The following FRMD4A variants were observed in gnomAD, a reference collection of about 807,000 sequenced individuals.
The protein encoded by FRMD4A is FERM domain-containing protein 4A.
A neutral mutation model predicts 129.1 loss-of-function variants in FRMD4A; 29 were observed. The observed-to-expected ratio is 0.22, with a 90% CI of 0.17 to 0.31. The LOEUF (loss-of-function observed/expected upper bound fraction) is 0.31. Ranked by LOEUF, FRMD4A falls within the 10% of genes least tolerant of loss-of-function variation. The probability of loss-of-function intolerance (pLI) is 1.00; values close to 1 mark genes in which losing one functional copy is unlikely to be tolerated. For synonymous variants in FRMD4A, 634 were observed against 571.6 expected (o/e 1.11, Z -1.56); for missense variants, 1,272 against 1,375.8 (o/e 0.92, Z 1.19).
At chr10:14,111,719 G>T (rs1268042840) in intron 2 of FRMD4A, among the ~76,000 whole-genome samples, 1 of 151,928 alleles carries the variant, frequency 6.6e-6, no homozygotes, top group East Asian at 1.9e-4. Context: ...ATCCTGGCAG[G>T]GAGAAATCTT....
At chr10:14,049,724 G>C (rs1032522087) in intron 2 of FRMD4A, among the ~76,000 whole-genome samples, 2 of 152,006 alleles carry the variant, frequency 1.3e-5, no homozygotes, top group Admixed American at 6.6e-5. Flanking sequence ...GCATGGTGGC[G>C]CTCGCCTAGA....
chr10:13,863,320 G>A (rs576541457), intron 2 of FRMD4A, among the ~76,000 whole-genome samples: 10 of 152,216 alleles, frequency 6.6e-5, no homozygotes, highest in African/African-American at 2.4e-4. Flanking sequence ...GGTGGCTCAC[G>A]CCTGTAATCC....
rs1879604 is a variant in FRMD4A at position 14,285,495 on chromosome 10, G to A, written c.45+44563C>T. ...TAGCAAAACAGCTCCTGCCCATGGA[G>A]GCATGTGGAAAGCAAAATCCTAATA... is the stretch of plus-strand genomic sequence containing the variant. On this transcript the variant is annotated intron_variant, in intron 2 of 24. Coordinates refer to ENST00000357447, the MANE Select transcript of FRMD4A (RefSeq NM_018027.5). Among the ~76,000 whole-genome samples the A allele has an allele frequency of 4.9e-3, 742 of 152,330 alleles. 4 individuals are homozygous for A. Among genetic ancestry groups the A allele is most frequent in the Non-Finnish European group, 5.3e-3 (359 of 68,036 alleles).
intron 2 of FRMD4A, among the ~76,000 whole-genome samples, chr10:13,986,140 T>C (rs2131414316): frequency 6.6e-6 from 1 of 152,232 alleles, no homozygotes; most frequent in East Asian, 1.9e-4. Flanking sequence ...TCCCTTCCTG[T>C]GGTCCCAGGG....
chr10:14,096,901 A>T (rs2131765789), intron 2 of FRMD4A: 1 of 152,316 alleles, frequency 6.6e-6, no homozygotes, highest in East Asian at 1.9e-4. Context: ...TTGGGAGGCC[A>T]AGGCAGGCAG....
chr10:14,155,523 A>G (rs77729475), intron 2 of FRMD4A, among the ~76,000 whole-genome samples: 2,121 of 152,234 alleles, frequency 0.014, 65 homozygotes, highest in African/African-American at 0.049. Flanking sequence ...CTCAATAGCC[A>G]TAAAGGATGT....
intron 2 of FRMD4A, among the ~76,000 whole-genome samples, chr10:14,276,840 G>T (rs371373106): frequency 1.1e-4 from 17 of 152,022 alleles, no homozygotes; most frequent in African/African-American, 3.6e-4. Flanking sequence ...TCTAAACTTC[G>T]GGCTGGGATT....
chr10:13,663,510 C>T lies in FRMD4A; in HGVS notation c.1604-1G>A, dbSNP rs1589258385. On this transcript the variant is annotated splice_acceptor_variant, in intron 18 of 24. Coordinates refer to ENST00000357447, the MANE Select transcript of FRMD4A (RefSeq NM_018027.5). LOFTEE classifies it high-confidence loss of function. ...CTGTCTTCACTGGCAATGTTTCCAT[C>T]TGAGAAGACAAAAAGCAATAGCCTA... The T allele has an allele frequency of 6.6e-7, 1 of 1,512,718 alleles. No individual in the cohort carries two copies. The highest frequency in any genetic ancestry group is 1.1e-5 in the South Asian group (1 of 89,058). 93.7% of individuals were successfully genotyped at this position (1,512,718 alleles called of 1,614,324 possible).
intron 12 of FRMD4A, among the ~76,000 whole-genome samples, chr10:13,722,972 T>C (rs2089572154): frequency 6.6e-6 from 1 of 151,926 alleles, no homozygotes; most frequent in African/African-American, 2.4e-5. Flanking sequence ...TACATCCCTA[T>C]GCTGCTTAGC....
chr10:13,918,632 G>T (rs1589268549), intron 2 of FRMD4A, among the ~76,000 whole-genome samples: 1 of 152,044 alleles, frequency 6.6e-6, no homozygotes, highest in East Asian at 1.9e-4. Flanking sequence ...GGATTCAAGT[G>T]ATTCTCCTGC....
At chr10:14,235,268 G>A (rs7893478) in intron 2 of FRMD4A, among the ~76,000 whole-genome samples, 64,224 of 130,872 alleles carry the variant, frequency 0.49, 20,353 homozygotes, top group Non-Finnish European at 0.58. Context: ...TCCGGCCTCA[G>A]CCTCCCGAGC....
intron 2 of FRMD4A, among the ~76,000 whole-genome samples, chr10:14,125,349 G>T (rs192891792): frequency 7.9e-5 from 12 of 152,142 alleles, no homozygotes; most frequent in Non-Finnish European, 1.3e-4. Context: ...CATGGAAGGG[G>T]GTGCGTGTAT....
chr10:14,313,515 A>G (rs1227201504), intron 2 of FRMD4A, among the ~76,000 whole-genome samples: 1 of 152,242 alleles, frequency 6.6e-6, no homozygotes, highest in African/African-American at 2.4e-5. Flanking sequence ...TTGTGTACAC[A>G]ATCATAACTG....
intron 4 of FRMD4A, among the ~76,000 whole-genome samples, chr10:13,808,453 G>A (rs1225898182): frequency 6.6e-6 from 1 of 152,214 alleles, no homozygotes; most frequent in African/African-American, 2.4e-5. Flanking sequence ...TACTACCTAG[G>A]AATCACCAAG....
At chr10:13,800,420 T>A (rs986379169) in intron 4 of FRMD4A, among the ~76,000 whole-genome samples, 8 of 152,204 alleles carry the variant, frequency 5.3e-5, no homozygotes, top group Non-Finnish European at 1.0e-4. Flanking sequence ...CTGATGGGAA[T>A]AACCTTTTCA....
At chr10:13,903,703 C>A (rs1164741432) in intron 2 of FRMD4A, among the ~76,000 whole-genome samples, 1 of 141,880 alleles carries the variant, frequency 7.0e-6, no homozygotes, top group Non-Finnish European at 1.5e-5. Flanking sequence ...AAGACCCCAT[C>A]TCTAAAAAAA....
At chr10:13,826,106 G>A (rs2093696910) in intron 3 of FRMD4A, among the ~76,000 whole-genome samples, 1 of 152,188 alleles carries the variant, frequency 6.6e-6, no homozygotes, top group African/African-American at 2.4e-5. Flanking sequence ...GCTGTCACGA[G>A]GACTCAATAA....
At chr10:14,330,212 T>C in intron 1 of FRMD4A, 29 bp from the exon 2 acceptor site, 1 of 1,135,598 alleles carries the variant, frequency 8.8e-7, no homozygotes. Flanking sequence ...AAATCCAGAC[T>C]TAGGGAGCAA....
Position 13,674,913 on chromosome 10 carries a change from C to T in FRMD4A, c.1249G>A (p.Ala417Thr). Residue 417 changes from alanine to threonine, a missense_variant and splice_region_variant, in exon 16 of 25, where the codon GCT becomes ACT. Ala to Thr is a moderately conservative substitution (Grantham distance 58). Around this residue, in one of 2 missense-constraint regions of FRMD4A, gnomAD observed 972 missense variants for 892.3 expected, o/e 1.09. Transcript: ENST00000357447. The part of the protein sequence containing the change: ...EELKKLCLRE[A>T]ELTGKLPVEY... Reference sequence around the variant, plus strand: ...GGGATGAGCTAGGAAAGGCTTACAGCTTCTCGGAGACACAGCTTCTTCAGT... The same window carrying T: ...GGGATGAGCTAGGAAAGGCTTACAGTTTCTCGGAGACACAGCTTCTTCAGT... The T allele has an allele frequency of 6.2e-7, 1 of 1,614,152 alleles. No individual in the cohort carries two copies. The highest frequency in any genetic ancestry group is 8.5e-7 in the Non-Finnish European group (1 of 1,179,980).
Sources: allele counts gnomAD v4.1 joint callset (sites outside exome capture counted in the v4.1 genomes callset), GRCh38; gene constraint gnomAD v4.1.1; regional missense constraint gnomAD v4.1.1; transcripts MANE v1.5; gene names NCBI Gene and HGNC (gene_info 2026-07-23, HGNC 2026-07-21).